The following CSMD1 variants were observed in gnomAD, a reference collection of about 807,000 sequenced individuals.
The protein encoded by CSMD1 is CUB and sushi domain-containing protein 1.
CSMD1 carries 213 observed loss-of-function variants against 417.5 expected under a neutral mutation model. That is an observed-to-expected ratio of 0.51 (90% confidence interval 0.46 to 0.57). The LOEUF is 0.57. CSMD1 is among the 20% of genes least tolerant of loss of function. The pLI, the probability that CSMD1 is intolerant of heterozygous loss-of-function variation, is 0.00. For synonymous variants in CSMD1, 2,862 were observed against 1,736.8 expected, an observed-to-expected ratio of 1.65 and a Z score of -16.11; for missense variants, 6,923 against 4,529.7, an observed-to-expected ratio of 1.53 and a Z score of -15.17.
Position 4,479,542 on chromosome 8 carries a change from TC to T in CSMD1, c.303-59478del, listed in dbSNP as rs1181697661. Among the ~76,000 whole-genome samples, 5 of 152,212 alleles carry T rather than the reference TC, an allele frequency of 3.3e-5. No homozygotes were observed. In the South Asian group the frequency reaches 8.3e-4, roughly 25 times the overall value. The stretch of plus-strand genomic sequence containing the variant: ...TGCCTCTTATTTACTCATTGATCAC[TC>T]GTTTCACTTCCAGAGCACAAATAAC... On this transcript the variant is annotated intron_variant, in intron 2 of 69. Transcript: ENST00000635120.
At chr8:3,653,031 A>C (rs1281545476) in intron 7 of CSMD1, among the ~76,000 whole-genome samples, 1 of 152,196 alleles carries the variant, frequency 6.6e-6, no homozygotes, top group Non-Finnish European at 1.5e-5. Context: ...AGCCAATAAA[A>C]GACACAAATG....
chr8:4,258,566 G>T (rs1234238253), intron 3 of CSMD1, among the ~76,000 whole-genome samples: 2 of 151,650 alleles, frequency 1.3e-5, no homozygotes, highest in Non-Finnish European at 2.9e-5. Flanking sequence ...AGGGAGGGAG[G>T]GAAGAATGGA....
chr8:3,954,786 A>G (rs753408180), intron 5 of CSMD1, among the ~76,000 whole-genome samples: 2 of 151,592 alleles, frequency 1.3e-5, no homozygotes, highest in Non-Finnish European at 1.5e-5. Flanking sequence ...AGGGAGTTAC[A>G]TGCACGCAGA....
intron 4 of CSMD1, among the ~76,000 whole-genome samples, chr8:4,018,117 T>C (rs1368842657): frequency 6.6e-6 from 1 of 152,234 alleles, no homozygotes; most frequent in Non-Finnish European, 1.5e-5. Flanking sequence ...TAAAGTATCC[T>C]ACAAAGTGTT....
At chr8:4,460,234 A>G (rs745392949) in intron 2 of CSMD1, among the ~76,000 whole-genome samples, 15 of 152,182 alleles carry the variant, frequency 9.9e-5, no homozygotes, top group South Asian at 2.1e-4. Flanking sequence ...AAAAATTTCT[A>G]AAAACCCAAA....
intron 1 of CSMD1, among the ~76,000 whole-genome samples, chr8:4,964,405 G>A (rs771383079): frequency 1.4e-4 from 20 of 146,308 alleles, no homozygotes; most frequent in Non-Finnish European, 2.5e-4. Flanking sequence ...TGTAGTCCCA[G>A]CTACCTGGGA....
chr8:4,474,653 T>TTA (rs1272707436), intron 2 of CSMD1, among the ~76,000 whole-genome samples: 1 of 152,132 alleles, frequency 6.6e-6, no homozygotes, highest in African/African-American at 2.4e-5. Flanking sequence ...GAGTAAACTC[T>TTA]TACACAGTTG....
chr8:4,283,407 G>A (rs981503836), intron 3 of CSMD1, among the ~76,000 whole-genome samples: 3 of 152,128 alleles, frequency 2.0e-5, no homozygotes, highest in Admixed American at 2.0e-4. Flanking sequence ...TTAATTCTAA[G>A]AACACATTCT....
intron 47 of CSMD1, among the ~76,000 whole-genome samples, chr8:3,094,525 A>C (rs1474865568): frequency 2.0e-5 from 3 of 152,206 alleles, no homozygotes; most frequent in Non-Finnish European, 1.5e-5. Flanking sequence ...TCAAACTGGC[A>C]TGTGCAGAAA....
chr8:4,280,757 TA>T (rs1563381677), intron 3 of CSMD1, among the ~76,000 whole-genome samples: 1 of 152,232 alleles, frequency 6.6e-6, no homozygotes, highest in Non-Finnish European at 1.5e-5. Context: ...CCCATATTTT[TA>T]AAAACATGTT....
At chr8:3,938,533 G>T (rs1056809876) in intron 5 of CSMD1, among the ~76,000 whole-genome samples, 3 of 152,066 alleles carry the variant, frequency 2.0e-5, no homozygotes, top group African/African-American at 7.2e-5. Flanking sequence ...CTCTGTTGGG[G>T]GATGATTTGA....
rs567702296 is a variant in CSMD1 at position 4,896,279 on chromosome 8, T to C, written c.85+98053A>G. On this transcript the variant is annotated intron_variant, in intron 1 of 69. Coordinates refer to ENST00000635120, the MANE Select transcript of CSMD1 (RefSeq NM_033225.6). ...CGTCTCTATATGCTTTTCCCTAGCA[T>C]ATCGCTAATTATGGGTCTCTTTACA... 2.0e-5 allele frequency among the ~76,000 whole-genome samples: 3 copies of C among 152,272 alleles called. No individual in the cohort carries two copies. In the East Asian group the frequency reaches 5.8e-4, roughly 29 times the overall value.
chr8:4,889,676 G>C (rs1001329586), intron 1 of CSMD1, among the ~76,000 whole-genome samples: 1 of 152,068 alleles, frequency 6.6e-6, no homozygotes, highest in Non-Finnish European at 1.5e-5. Context: ...TAAAGCTGGA[G>C]AGAAAAACAG....
intron 46 of CSMD1, among the ~76,000 whole-genome samples, chr8:3,104,753 G>A (rs534493023): frequency 1.3e-4 from 20 of 149,566 alleles, no homozygotes; most frequent in African/African-American, 4.7e-4. Context: ...TGTCTCCCAG[G>A]CTGGAGAGCA....
At chr8:3,890,737 T>C (rs1468219520) in intron 5 of CSMD1, among the ~76,000 whole-genome samples, 1 of 152,220 alleles carries the variant, frequency 6.6e-6, no homozygotes, top group African/African-American at 2.4e-5. Flanking sequence ...TGATGCAAGT[T>C]AGCATGTGGC....
At chr8:4,228,186 A>C (rs1193493945) in intron 3 of CSMD1, among the ~76,000 whole-genome samples, 2 of 152,292 alleles carry the variant, frequency 1.3e-5, no homozygotes, top group African/African-American at 4.8e-5. Flanking sequence ...CCTGCATGCA[A>C]TCCCACATCC....
rs570659942 is a variant in CSMD1 at position 4,296,486 on chromosome 8, T to C, written c.415+123467A>G. Among the ~76,000 whole-genome samples, 12 of 152,260 alleles carry C rather than the reference T, an allele frequency of 7.9e-5. 1 individual carries two copies. The highest frequency in any genetic ancestry group is 2.9e-4 in the African/African-American group (12 of 41,568). On this transcript the variant is annotated intron_variant, in intron 3 of 69. Coordinates refer to ENST00000635120, the MANE Select transcript of CSMD1 (RefSeq NM_033225.6). The stretch of plus-strand genomic sequence containing the variant: ...TAAAATATTTAAATATTTTAAATAA[T>C]TAATATCTTTTCCCAAAGAGAGGGT...
intron 3 of CSMD1, among the ~76,000 whole-genome samples, chr8:4,404,241 C>T (rs1001608370): frequency 1.3e-5 from 2 of 152,150 alleles, no homozygotes; most frequent in East Asian, 3.9e-4. Flanking sequence ...TTATCTGTCA[C>T]CTTGTGATAG....
chr8:3,439,915 C>T (rs1814862912), intron 12 of CSMD1, among the ~76,000 whole-genome samples: 1 of 152,196 alleles, frequency 6.6e-6, no homozygotes, highest in Non-Finnish European at 1.5e-5. Flanking sequence ...AAAGACTATT[C>T]TTCCTCCATT....
Sources: gnomAD v4.1 joint callset for allele counts (sites outside exome capture counted in the v4.1 genomes callset) on GRCh38, gnomAD v4.1.1 for gene constraint, MANE v1.5 for transcripts, NCBI Gene and HGNC (gene_info 2026-07-23, HGNC 2026-07-21) for gene names.